Variants in B3GALT1 observed in about 807,000 individuals in gnomAD.
B3GALT1 encodes UDP-Gal:betaGlcNAc beta 1,3-galactosyltransferase, polypeptide 1.
A neutral mutation model predicts 23.2 loss-of-function variants in B3GALT1; 10 were observed. The ratio of observed to expected loss-of-function variants is 0.43; its 90% CI spans 0.27 to 0.73. The LOEUF (loss-of-function observed/expected upper bound fraction) is 0.73. Among genes scored for constraint, B3GALT1 ranks in the 30% least tolerant of loss-of-function variants. The pLI is 0.21. For missense variants in B3GALT1, 299 were observed against 405.4 expected (o/e 0.74, Z 2.25); for synonymous variants, 156 against 141.5 (o/e 1.10, Z -0.73).
At chr2:167,387,210 AC>A (rs1697942704) in intron 1 of B3GALT1, among the ~76,000 whole-genome samples, 1 of 152,216 alleles carries the variant, frequency 6.6e-6, no homozygotes, top group Non-Finnish European at 1.5e-5. Flanking sequence ...CCATCCCTAA[AC>A]TCAGATTTAT....
chr2:167,294,266 T>C (rs7600115), intron 1 of B3GALT1, among the ~76,000 whole-genome samples: 5,663 of 152,330 alleles, frequency 0.037, 266 homozygotes, highest in African/African-American at 0.11. Context: ...GCGGCTCCGC[T>C]TTCCGACAAA....
At chr2:167,556,168 A>G (rs777441825) in intron 2 of B3GALT1, among the ~76,000 whole-genome samples, 2 of 152,098 alleles carry the variant, frequency 1.3e-5, no homozygotes, top group African/African-American at 4.8e-5. Flanking sequence ...AGATCACTCT[A>G]TATGGAAGGA....
At chr2:167,311,657 T>A (rs1385937150) in intron 1 of B3GALT1, among the ~76,000 whole-genome samples, 2 of 151,924 alleles carry the variant, frequency 1.3e-5, no homozygotes, top group Non-Finnish European at 2.9e-5. Context: ...TGACATAACA[T>A]ACTTGAAAAA....
intron 4 of B3GALT1, among the ~76,000 whole-genome samples, chr2:167,864,200 T>C (rs1351550544): frequency 6.6e-6 from 1 of 152,118 alleles, no homozygotes; most frequent in Non-Finnish European, 1.5e-5. Flanking sequence ...TATAGCACAG[T>C]GTGTAGGAAA....
intron 3 of B3GALT1, among the ~76,000 whole-genome samples, chr2:167,776,592 G>T (rs1688166616): frequency 6.6e-6 from 1 of 151,968 alleles, no homozygotes; most frequent in Non-Finnish European, 1.5e-5. Context: ...AACGAGGAGT[G>T]GACAGGCCGA....
At chr2:167,479,407 TCTC>T (rs1266245141) in intron 1 of B3GALT1, among the ~76,000 whole-genome samples, 44 of 152,290 alleles carry the variant, frequency 2.9e-4, no homozygotes, top group Non-Finnish European at 1.8e-4. Context: ...AACAATCTCT[TCTC>T]CTCCCTGTTA....
chr2:167,727,710 C>T (rs1687340669), intron 3 of B3GALT1, among the ~76,000 whole-genome samples: 1 of 152,148 alleles, frequency 6.6e-6, no homozygotes, highest in African/African-American at 2.4e-5. Context: ...GAATTCCTCT[C>T]CTTGTTTTTC....
chr2:167,510,188 A>G (rs1574110018), intron 2 of B3GALT1, among the ~76,000 whole-genome samples: 1 of 152,124 alleles, frequency 6.6e-6, no homozygotes, highest in Non-Finnish European at 1.5e-5. Flanking sequence ...AAGGTGTAAA[A>G]CCATCAGGTG....
At chr2:167,586,884 A>G (rs1450082143) in intron 2 of B3GALT1, among the ~76,000 whole-genome samples, 1 of 152,228 alleles carries the variant, frequency 6.6e-6, no homozygotes, top group Non-Finnish European at 1.5e-5. Flanking sequence ...AAAACAAGTT[A>G]TATCCCAAAT....
chr2:167,641,014 A>T (rs951338095), intron 2 of B3GALT1, among the ~76,000 whole-genome samples: 9 of 152,216 alleles, frequency 5.9e-5, no homozygotes, highest in Non-Finnish European at 1.2e-4. Flanking sequence ...CTATAAAAGC[A>T]TCTCAAAATG....
intron 2 of B3GALT1, among the ~76,000 whole-genome samples, chr2:167,501,718 CAAAAAAAA>C (rs35445623): frequency 4.6e-5 from 3 of 65,418 alleles, no homozygotes; most frequent in Non-Finnish European, 6.1e-5. Context: ...TCTACAGTGG[CAAAAAAAA>C]AAAAAAAAAA....
chr2:167,823,374 C>A (rs1689147591), intron 4 of B3GALT1, among the ~76,000 whole-genome samples: 1 of 152,064 alleles, frequency 6.6e-6, no homozygotes, highest in African/African-American at 2.4e-5. Context: ...AAAAATCATT[C>A]TTAACTGTGT....
rs189221258 is a variant in B3GALT1 at position 167,628,257 on chromosome 2, T to C, written c.-409-18652T>C. On this transcript the variant is annotated intron_variant, in intron 2 of 4. Coordinates refer to ENST00000392690, the MANE Select transcript of B3GALT1 (RefSeq NM_020981.4). Reference sequence around the variant, plus strand: ...TTGGAGAGAATAAACTAAGACCCTTTATACATGGAAGTGGCCTTTGTGTAT... The same window carrying C: ...TTGGAGAGAATAAACTAAGACCCTTCATACATGGAAGTGGCCTTTGTGTAT... Among the ~76,000 whole-genome samples the C allele has an allele frequency of 3.3e-5, 5 of 151,794 alleles. No homozygotes were observed. The East Asian group carries it at 7.8e-4, about 24-fold the overall frequency.
intron 1 of B3GALT1, among the ~76,000 whole-genome samples, chr2:167,444,192 C>G (rs922232586): frequency 2.6e-5 from 4 of 152,160 alleles, no homozygotes. Flanking sequence ...TATTTTGAAC[C>G]AGCCTTGCAT....
intron 1 of B3GALT1, among the ~76,000 whole-genome samples, chr2:167,379,490 A>T (rs1559080020): frequency 1.3e-5 from 2 of 151,528 alleles, no homozygotes; most frequent in Non-Finnish European, 2.9e-5. Context: ...TAGGGTTTTG[A>T]CTTTGCTTCT....
intron 2 of B3GALT1, among the ~76,000 whole-genome samples, chr2:167,622,748 A>T (rs1685280521): frequency 6.6e-6 from 1 of 152,148 alleles, no homozygotes; most frequent in Admixed American, 6.6e-5. Flanking sequence ...GAAAAGTTTA[A>T]TATTCAACAT....
chr2:167,581,984 C>T (rs908785804), intron 2 of B3GALT1, among the ~76,000 whole-genome samples: 3 of 152,118 alleles, frequency 2.0e-5, no homozygotes, highest in South Asian at 2.1e-4. Flanking sequence ...TGTTCTTTCT[C>T]GGCTACAGGT....
intron 2 of B3GALT1, among the ~76,000 whole-genome samples, chr2:167,626,869 A>C (rs1204235249): frequency 6.6e-6 from 1 of 151,684 alleles, no homozygotes; most frequent in African/African-American, 2.4e-5. Context: ...ACATTCTAAT[A>C]AGGTGGAGGA....
intron 3 of B3GALT1, chr2:167,815,301 T>G (rs1183877507): frequency 2.0e-5 from 3 of 152,226 alleles, no homozygotes. Context: ...TCCTCTGTTC[T>G]CTCTCCTAAA....
Sources: allele counts gnomAD v4.1 joint callset (sites outside exome capture counted in the v4.1 genomes callset), GRCh38; gene constraint gnomAD v4.1.1; transcripts MANE v1.5; gene names NCBI Gene and HGNC (gene_info 2026-07-23, HGNC 2026-07-21).